MYLK3: variants seen among roughly 807,000 people sequenced by gnomAD.
MYLK3 encodes the protein myosin light chain kinase 3, also known as MLC kinase.
A neutral mutation model predicts 76.3 loss-of-function variants in MYLK3; 55 were observed. The observed-to-expected ratio is 0.72, with a 90% CI of 0.58 to 0.90. MYLK3 has a LOEUF of 0.90. MYLK3 is among the 40% of genes least tolerant of loss of function. The pLI is 0.00. For synonymous variants in MYLK3, 416 were observed against 425.4 expected (o/e 0.98, Z 0.27); for missense variants, 973 against 1,053.6 (o/e 0.92, Z 1.06).
upstream of MYLK3, among the ~76,000 whole-genome samples, chr16:46,752,616 T>G (rs1370616815): frequency 5.3e-5 from 8 of 152,196 alleles, no homozygotes; most frequent in Non-Finnish European, 1.2e-4. Context: ...GGCTCACACC[T>G]GTAACCCCAC....
intron 4 of MYLK3, 84 bp from the exon 5 acceptor site, chr16:46,730,782 C>T (rs1966851131): frequency 8.3e-7 from 1 of 1,205,384 alleles, no homozygotes; most frequent in Non-Finnish European, 1.2e-6. Context: ...CACTTAGCTT[C>T]TCTTGGTCCA....
In MYLK3 at chr16:46,748,036, A is replaced by G; in HGVS notation, c.158T>C (p.Met53Thr). The change falls in exon 1 of 13, where the codon ATG becomes ACG. Residue 53 changes from methionine (M) to threonine (T), a missense_variant. Met to Thr is a moderately conservative substitution (Grantham distance 81). This residue lies in a region of MYLK3 where 641 missense variants were observed against 637.0 expected (regional missense o/e 1.01). Transcript: ENST00000394809. The surrounding 1 kb of genome is among the most constrained non-coding windows in gnomAD (Gnocchi z 4.3). ...QEDVTEKLQS[M>T]CRDMGHLERG... is the part of the protein sequence containing the mutation. ...CTCCAGGTGGCCCATGTCTCGGCAC[A>G]TGCTCTGCAACTTCTCTGTGACATC... 1 of 1,614,142 alleles carries G rather than the reference A, an allele frequency of 6.2e-7. No individual in the cohort carries two copies. Among genetic ancestry groups the G allele is most frequent in the Non-Finnish European group, 8.5e-7 (1 of 1,180,040 alleles).
Position 46,727,367 on chromosome 16 carries a change from C to A in MYLK3, c.1783G>T (p.Gly595Cys). 6.2e-7 allele frequency: 1 copy of A among 1,609,010 alleles called. No homozygotes were observed. Among genetic ancestry groups the A allele is most frequent in the Non-Finnish European group, 8.5e-7 (1 of 1,175,942 alleles). The change falls in exon 8 of 13, where the codon GGT (glycine) becomes TGT (cysteine). Residue 595 changes from glycine to cysteine, a missense_variant. Gly to Cys is a radical substitution (Grantham distance 159). This residue lies in a region of MYLK3 where 332 missense variants were observed against 416.6 expected (regional missense o/e 0.80). Transcript: ENST00000394809. ...CTLVMEYVDGGELFDRITDEK... is the reference protein window; with the variant it reads ...CTLVMEYVDGCELFDRITDEK... ...TCTGTGATCCGGTCGAAGAGCTCAC[C>A]CCCGTCCACGCTGCCAGAGCAAAGG... is the stretch of plus-strand genomic sequence containing the variant.
chr16:46,760,982 CAG>C (rs1190225937), intron 1 of MYLK3, among the ~76,000 whole-genome samples: 2 of 152,282 alleles, frequency 1.3e-5, no homozygotes, highest in East Asian at 3.9e-4. Flanking sequence ...TGGAATGACA[CAG>C]TGGCCAGGGC....
At chr16:46,756,021 C>T (rs550892299) in intron 1 of MYLK3, among the ~76,000 whole-genome samples, 1 of 149,072 alleles carries the variant, frequency 6.7e-6, no homozygotes, top group East Asian at 2.0e-4. Context: ...AATTCTCCTG[C>T]CTCAGCCTCC....
chr16:46,756,184 A>G (rs1410022221), intron 1 of MYLK3, among the ~76,000 whole-genome samples: 3 of 152,236 alleles, frequency 2.0e-5, no homozygotes, highest in Admixed American at 1.3e-4. Flanking sequence ...TGCTAGGATT[A>G]CAAGTGTGAG....
chr16:46,728,156 C>T (rs774715745), intron 7 of MYLK3, among the ~76,000 whole-genome samples: 4 of 152,194 alleles, frequency 2.6e-5, no homozygotes, highest in Non-Finnish European at 4.4e-5. Context: ...CAGCTCTGCC[C>T]ATAAGGAAAA....
intron 9 of MYLK3, among the ~76,000 whole-genome samples, chr16:46,715,160 T>A (rs1387322260): frequency 6.6e-6 from 1 of 152,232 alleles, no homozygotes; most frequent in Non-Finnish European, 1.5e-5. Flanking sequence ...ATCTTCTATT[T>A]TAATATAATT....
chr16:46,741,415 G>A (rs1253304496), intron 1 of MYLK3, among the ~76,000 whole-genome samples: 1 of 152,242 alleles, frequency 6.6e-6, no homozygotes, highest in Non-Finnish European at 1.5e-5. Flanking sequence ...AAACAGCCCA[G>A]AGCCATCAGT....
At chr16:46,712,138 G>A (rs1022392488) in intron 10 of MYLK3, among the ~76,000 whole-genome samples, 3 of 151,806 alleles carry the variant, frequency 2.0e-5, no homozygotes, top group East Asian at 1.9e-4. Context: ...CGATAGGCAC[G>A]CACCACAATG....
upstream of MYLK3, among the ~76,000 whole-genome samples, chr16:46,748,971 C>T (rs577419466): frequency 6.6e-6 from 1 of 152,302 alleles, no homozygotes; most frequent in Non-Finnish European, 1.5e-5. The surrounding 1 kb of genome is among the most constrained non-coding windows in gnomAD (Gnocchi z 4.3). Flanking sequence ...TCACAGGGCC[C>T]TCAGGGGGAC....
intron 5 of MYLK3, 108 bp from the exon 6 acceptor site, chr16:46,729,795 C>T: frequency 2.1e-6 from 2 of 933,662 alleles, no homozygotes; most frequent in South Asian, 1.4e-5. Context: ...GTGGACCATC[C>T]TACATCCCAG....
chr16:46,732,064 G>A, intron 4 of MYLK3, 144 bp downstream of exon 4: 1 of 705,022 alleles, frequency 1.4e-6, no homozygotes, highest in South Asian at 2.0e-5. Flanking sequence ...GCCCCAGGAT[G>A]TACCTGGAGA....
intron 1 of MYLK3, among the ~76,000 whole-genome samples, chr16:46,761,644 C>T (rs961777537): frequency 5.3e-5 from 8 of 151,730 alleles, no homozygotes; most frequent in East Asian, 3.9e-4. Context: ...TGGCGAAACC[C>T]GGTCTCTACT....
chr16:46,728,642 G>C (rs530169465), intron 7 of MYLK3, among the ~76,000 whole-genome samples: 1 of 152,324 alleles, frequency 6.6e-6, no homozygotes, highest in African/African-American at 2.4e-5. Context: ...GATCACTGGA[G>C]TCTGGGAGTT....
At chr16:46,752,691 T>C (rs1467343395), upstream of MYLK3, among the ~76,000 whole-genome samples, 7 of 151,904 alleles carry the variant, frequency 4.6e-5, no homozygotes, top group African/African-American at 1.7e-4. Flanking sequence ...CTGGGCAACA[T>C]AGCAAGACCC....
intron 3 of MYLK3, 123 bp from the exon 4 acceptor site, chr16:46,732,791 A>T (rs1966855364): frequency 1.3e-6 from 1 of 758,940 alleles, no homozygotes; most frequent in Admixed American, 3.2e-5. Flanking sequence ...GCTAGACAGG[A>T]CACCAGGGCA....
intron 1 of MYLK3, among the ~76,000 whole-genome samples, chr16:46,758,298 ACACACACTCTCTCTCTCTCT>A (rs1456746458): frequency 0.01 from 572 of 56,196 alleles, no homozygotes; most frequent in African/African-American, 0.016. Flanking sequence ...ACACACACAC[ACACACACTCTCTCTCTCTCT>A]CTCTCTCTCT....
intron 7 of MYLK3, among the ~76,000 whole-genome samples, chr16:46,728,500 C>T (rs1459489462): frequency 6.6e-6 from 1 of 152,184 alleles, no homozygotes; most frequent in East Asian, 1.9e-4. Flanking sequence ...GCAGAAGTAT[C>T]ACTTGAGTTC....
Sources: allele counts gnomAD v4.1 joint callset (sites outside exome capture counted in the v4.1 genomes callset), GRCh38; gene constraint gnomAD v4.1.1; regional missense constraint gnomAD v4.1.1; non-coding constraint Gnocchi (gnomAD v3.1); transcripts MANE v1.5; gene names NCBI Gene and HGNC (gene_info 2026-07-23, HGNC 2026-07-21).